DEPTOR: variants seen among roughly 807,000 people sequenced by gnomAD.
The protein encoded by DEPTOR is DEP domain-containing mTOR-interacting protein.
In DEPTOR, 41 loss-of-function variants were observed where a neutral mutation model predicts 41.6. The ratio of observed to expected loss-of-function variants is 0.98; its 90% CI spans 0.77 to 1.28. The LOEUF (loss-of-function observed/expected upper bound fraction) is 1.28. Among genes scored for constraint, DEPTOR ranks in the 50% most tolerant of loss-of-function variants. DEPTOR has a pLI of 0.00. For missense variants in DEPTOR, 514 were observed against 527.9 expected (o/e 0.97, Z 0.26); for synonymous variants, 195 against 192.3 (o/e 1.01, Z -0.12).
chr8:120,005,186 A>T (rs1474643234), intron 6 of DEPTOR, among the ~76,000 whole-genome samples: 1 of 152,188 alleles, frequency 6.6e-6, no homozygotes, highest in African/African-American at 2.4e-5. Context: ...GTGGAGAGAG[A>T]GTTACCTGAC....
At chr8:119,883,583 T>C (rs1827327575) in intron 1 of DEPTOR, among the ~76,000 whole-genome samples, 1 of 151,974 alleles carries the variant, frequency 6.6e-6, no homozygotes, top group African/African-American at 2.4e-5. Context: ...GGCCTCTAGC[T>C]TGGGGAAGCC....
intron 7 of DEPTOR, among the ~76,000 whole-genome samples, chr8:120,008,193 C>A (rs980065898): frequency 6.6e-6 from 1 of 151,956 alleles, no homozygotes; most frequent in Non-Finnish European, 1.5e-5. Flanking sequence ...CTTTTCCCCC[C>A]TTGGTGGAGA....
chr8:119,971,469 C>T (rs1178445928), intron 4 of DEPTOR, among the ~76,000 whole-genome samples: 1 of 152,146 alleles, frequency 6.6e-6, no homozygotes, highest in African/African-American at 2.4e-5. Context: ...GGGCCTGCTA[C>T]TAAGTCCATT....
chr8:119,940,772 G>C (rs916766656), intron 3 of DEPTOR, among the ~76,000 whole-genome samples: 1 of 152,074 alleles, frequency 6.6e-6, no homozygotes, highest in African/African-American at 2.4e-5. Flanking sequence ...TTAAAAAAAA[G>C]AAAAATTATT....
At chr8:120,020,901 A>C (rs1049664395) in intron 8 of DEPTOR, among the ~76,000 whole-genome samples, 1 of 151,768 alleles carries the variant, frequency 6.6e-6, no homozygotes, top group East Asian at 1.9e-4. Context: ...TCTACTAAAA[A>C]TACAAAAAAT....
intron 1 of DEPTOR, among the ~76,000 whole-genome samples, chr8:119,924,437 A>G (rs1412301281): frequency 6.6e-6 from 1 of 152,076 alleles, no homozygotes; most frequent in East Asian, 1.9e-4. Flanking sequence ...TGGGGTTCTT[A>G]ATGAAAATTC....
At chr8:119,953,968 C>A (rs1828386370) in intron 3 of DEPTOR, among the ~76,000 whole-genome samples, 1 of 151,712 alleles carries the variant, frequency 6.6e-6, no homozygotes, top group African/African-American at 2.4e-5. Flanking sequence ...CCACGCCCGG[C>A]TAATTTTTTG....
intron 4 of DEPTOR, among the ~76,000 whole-genome samples, chr8:119,981,259 A>G (rs1828763557): frequency 6.6e-6 from 1 of 152,190 alleles, no homozygotes; most frequent in Non-Finnish European, 1.5e-5. Flanking sequence ...ACTACCAATT[A>G]TATTTTAGGG....
rs190393343 is a variant in DEPTOR, at chr8:120,033,195, C to T, written c.1102-16381C>T. ...CTCTGCCTCCCGGGTTCAAGCAATTCTCCTGCCTCAGCCTTCCATGGAGTT... is the reference window on the plus strand; with the variant it reads ...CTCTGCCTCCCGGGTTCAAGCAATTTTCCTGCCTCAGCCTTCCATGGAGTT... On this transcript the variant is annotated intron_variant, in intron 8 of 8. Transcript: ENST00000286234. 5.9e-4 allele frequency among the ~76,000 whole-genome samples: 88 copies of T among 149,146 alleles called. 1 individual carries two copies. The highest frequency in any genetic ancestry group is 2.0e-3 in the African/African-American group (81 of 40,354).
At chr8:119,913,977 A>T (rs7016372) in intron 1 of DEPTOR, among the ~76,000 whole-genome samples, 33,252 of 151,458 alleles carry the variant, frequency 0.22, 4,227 homozygotes, top group African/African-American at 0.34. Flanking sequence ...TTCCTAGTTT[A>T]AATTCCTTCC....
chr8:119,949,802 C>T (rs932847109), intron 3 of DEPTOR, among the ~76,000 whole-genome samples: 1 of 152,064 alleles, frequency 6.6e-6, no homozygotes, highest in African/African-American at 2.4e-5. Context: ...GCCTCAGCCT[C>T]CTGAGTAGCT....
chr8:119,993,203 A>T (rs1447049940), intron 4 of DEPTOR, among the ~76,000 whole-genome samples: 1 of 152,222 alleles, frequency 6.6e-6, no homozygotes, highest in African/African-American at 2.4e-5. Flanking sequence ...AAACTACATG[A>T]CATTTCCCTC....
chr8:120,004,697 G>GT (rs1186108195), intron 6 of DEPTOR, among the ~76,000 whole-genome samples: 1 of 152,102 alleles, frequency 6.6e-6, no homozygotes, highest in Non-Finnish European at 1.5e-5. Flanking sequence ...AAAAGGTCTC[G>GT]TTTCCTTTCG....
chr8:119,983,605 A>G (rs1828794564), intron 4 of DEPTOR, among the ~76,000 whole-genome samples: 1 of 152,052 alleles, frequency 6.6e-6, no homozygotes, highest in Admixed American at 6.6e-5. Context: ...GCTGCTCTTG[A>G]ACTCCTGACC....
At chr8:119,991,609 C>T (rs370771220) in intron 4 of DEPTOR, among the ~76,000 whole-genome samples, 3 of 152,288 alleles carry the variant, frequency 2.0e-5, no homozygotes, top group South Asian at 2.1e-4. Flanking sequence ...TGAGCCACTA[C>T]GCTTGGCTTG....
At chr8:119,874,233 C>T in intron 1 of DEPTOR, 1 of 482,506 alleles carries the variant, frequency 2.1e-6, no homozygotes, top group Non-Finnish European at 3.6e-6. Context: ...CTGCTGCAGT[C>T]CTGTGCCGGG....
At chr8:119,994,583 A>C (rs1812227728) in intron 4 of DEPTOR, among the ~76,000 whole-genome samples, 1 of 152,164 alleles carries the variant, frequency 6.6e-6, no homozygotes, top group Non-Finnish European at 1.5e-5. Context: ...TTTCATAGGT[A>C]AAAGGATAAC....
intron 8 of DEPTOR, among the ~76,000 whole-genome samples, chr8:120,019,360 G>A (rs777974366): frequency 3.9e-5 from 6 of 152,264 alleles, no homozygotes; most frequent in Non-Finnish European, 8.8e-5. Context: ...AGATTGGTAA[G>A]TTTATCAGAT....
intron 3 of DEPTOR, among the ~76,000 whole-genome samples, chr8:119,933,501 A>AC (rs1563969696): frequency 2.7e-4 from 26 of 97,372 alleles, no homozygotes; most frequent in Admixed American, 2.0e-4. Flanking sequence ...CACACACACA[A>AC]TGTTTATTAT....
Sources: gnomAD v4.1 joint callset for allele counts (sites outside exome capture counted in the v4.1 genomes callset) on GRCh38, gnomAD v4.1.1 for gene constraint, MANE v1.5 for transcripts, NCBI Gene and HGNC (gene_info 2026-07-23, HGNC 2026-07-21) for gene names.